Variants in VPS13B observed in about 807,000 individuals in gnomAD.
The protein encoded by VPS13B is intermembrane lipid transfer protein VPS13B.
A neutral mutation model predicts 426.4 loss-of-function variants in VPS13B; 285 were observed. The observed-to-expected ratio is 0.67, with a 90% CI of 0.61 to 0.74. The LOEUF (loss-of-function observed/expected upper bound fraction) is 0.74. VPS13B is among the 30% of genes least tolerant of loss of function. VPS13B has a pLI of 0.00. For synonymous variants in VPS13B, 1,676 were observed against 1,676.4 expected (o/e 1.00, Z 0.01); for missense variants, 4,537 against 4,782.6 (o/e 0.95, Z 1.51).
chr8:99,467,354 T>A, intron 23 of VPS13B, 60 bp from the exon 24 acceptor site: 2 of 1,496,712 alleles, frequency 1.3e-6, no homozygotes, highest in Admixed American at 3.3e-5. Flanking sequence ...TACTATCAAG[T>A]GAAAATTAAT....
chr8:99,121,846 CTTTTTTTT>C, intron 8 of VPS13B: 1 of 111,826 alleles, frequency 8.9e-6, no homozygotes, highest in Non-Finnish European at 1.8e-5. Context: ...CTCTCTCTCT[CTTTTTTTT>C]TTTTTTTTTT....
intron 21 of VPS13B, among the ~76,000 whole-genome samples, chr8:99,420,977 G>A (rs1299411956): frequency 6.6e-6 from 1 of 152,120 alleles, no homozygotes; most frequent in Non-Finnish European, 1.5e-5. Context: ...TATATTTATA[G>A]TATTTTCATA....
intron 43 of VPS13B, among the ~76,000 whole-genome samples, chr8:99,802,245 G>A (rs1257201817): frequency 6.6e-6 from 1 of 151,834 alleles, no homozygotes; most frequent in Non-Finnish European, 1.5e-5. Flanking sequence ...ATGTAATATA[G>A]CAATATAGCA....
At chr8:99,465,952 A>G in intron 23 of VPS13B, among the ~76,000 whole-genome samples, 1 of 152,108 alleles carries the variant, frequency 6.6e-6, no homozygotes, top group East Asian at 1.9e-4. Context: ...TATTAACTAT[A>G]TTTGGTCAAG....
At chr8:99,585,075 T>C (rs939121499) in intron 33 of VPS13B, among the ~76,000 whole-genome samples, 1 of 152,198 alleles carries the variant, frequency 6.6e-6, no homozygotes, top group Non-Finnish European at 1.5e-5. Context: ...GGAGTATACA[T>C]TAAATTTGCC....
intron 4 of VPS13B, 82 bp downstream of exon 4, chr8:99,096,514 G>T (rs968438565): frequency 6.3e-6 from 10 of 1,578,902 alleles, no homozygotes; most frequent in Middle Eastern, 1.7e-4. Flanking sequence ...CCAGTGCTTT[G>T]GGGGGCTGAG....
intron 35 of VPS13B, among the ~76,000 whole-genome samples, chr8:99,668,873 G>A (rs1476394727): frequency 5.3e-5 from 8 of 152,216 alleles, no homozygotes; most frequent in African/African-American, 1.9e-4. Context: ...TCTAAACCCT[G>A]CGGAACAGTC....
At chr8:99,264,902 T>G (rs1261412046) in intron 17 of VPS13B, among the ~76,000 whole-genome samples, 1 of 152,134 alleles carries the variant, frequency 6.6e-6, no homozygotes, top group East Asian at 1.9e-4. Context: ...CTTTTCATTT[T>G]TCTTCCATTT....
intron 19 of VPS13B, among the ~76,000 whole-genome samples, chr8:99,334,495 A>G (rs974031998): frequency 6.6e-6 from 1 of 152,134 alleles, no homozygotes; most frequent in Admixed American, 6.6e-5. Context: ...TGGGTTTGTC[A>G]TAGATAGCTC....
At chr8:99,537,367 C>A (rs1358460091) in intron 30 of VPS13B, among the ~76,000 whole-genome samples, 2 of 152,138 alleles carry the variant, frequency 1.3e-5, no homozygotes, top group Non-Finnish European at 2.9e-5. Context: ...TATAATAATA[C>A]TTCATTTATA....
At chr8:99,618,201 T>C (rs1828187037) in intron 33 of VPS13B, among the ~76,000 whole-genome samples, 1 of 148,888 alleles carries the variant, frequency 6.7e-6, no homozygotes, top group Non-Finnish European at 1.5e-5. Context: ...TAGTGACTGA[T>C]AAAAAGCCTT....
chr8:99,447,010 T>C (rs185725799), intron 23 of VPS13B, among the ~76,000 whole-genome samples: 88 of 152,308 alleles, frequency 5.8e-4, no homozygotes, highest in African/African-American at 2.1e-3. Context: ...CAAGGCTTCC[T>C]TTTATCTCTT....
chr8:99,595,302 A>G (rs1376538271), intron 33 of VPS13B, among the ~76,000 whole-genome samples: 1 of 151,948 alleles, frequency 6.6e-6, no homozygotes, highest in Non-Finnish European at 1.5e-5. Context: ...AATAGAATTG[A>G]GAGTTCAGGT....
rs1282013974 is a variant in VPS13B, at chr8:99,233,787, C to G, written c.2516-40411C>G. On this transcript the variant is annotated intron_variant, in intron 17 of 61. Coordinates refer to ENST00000357162, the MANE Select transcript of VPS13B (RefSeq NM_152564.5). ...CTGCCTTCTTTTCCAATCAGTCTTC[C>G]AAACAAGCCATTGTGGGCCACGATT... 3.9e-6 allele frequency: 3 copies of G among 779,104 alleles called. No homozygotes were observed. The African/African-American group carries it at 5.1e-5, about 13-fold the overall frequency. The allele number at this position is 779,104 out of a possible 1,614,324, so 48.3% of individuals were successfully genotyped here.
At chr8:99,468,203 G>T (rs748264538) in intron 24 of VPS13B, among the ~76,000 whole-genome samples, 13 of 152,024 alleles carry the variant, frequency 8.6e-5, no homozygotes, top group Non-Finnish European at 1.8e-4. Flanking sequence ...GTGTCCAAGT[G>T]TTCTCATTGT....
intron 8 of VPS13B, among the ~76,000 whole-genome samples, chr8:99,127,587 C>T (rs1848237584): frequency 6.6e-6 from 1 of 152,156 alleles, no homozygotes; most frequent in Non-Finnish European, 1.5e-5. Flanking sequence ...AGTCATTTCT[C>T]ATCAGCTTTA....
In VPS13B at chr8:99,775,480, C is replaced by T. The variant is rs946432956; in HGVS notation, c.7248-1295C>T. ...TTCTCCTCCAACAATCCCAAATTCC[C>T]AGGTCTCGTGCTCCTGTTAGCATTA... On this transcript the variant is annotated intron_variant, in intron 40 of 61. Coordinates refer to ENST00000357162, the MANE Select transcript of VPS13B (RefSeq NM_152564.5). 2.0e-5 allele frequency among the ~76,000 whole-genome samples: 3 copies of T among 152,290 alleles called. No homozygotes were observed. The South Asian group carries it at 6.2e-4, about 32-fold the overall frequency.
rs1817671340 is a variant in VPS13B, at chr8:99,875,773, G to A, written c.*107G>A. 1 of 1,454,742 alleles carries A rather than the reference G, an allele frequency of 6.9e-7. No homozygotes were observed. The highest frequency in any genetic ancestry group is 1.2e-5 in the South Asian group (1 of 84,908). The allele number at this position is 1,454,742 out of a possible 1,614,324, so 90.1% of individuals were successfully genotyped here. A position where few individuals can be genotyped will look rare whatever the true frequency, so the allele number is the denominator to read the frequency against. On this transcript the variant is annotated 3_prime_UTR_variant, in exon 62 of 62. Transcript: ENST00000357162. ...GCTGACCTCAAATTCTGGGGTTCAA[G>A]CAATCCTCCCACCTCAACCCACAAG... is the stretch of plus-strand genomic sequence containing the variant.
At chr8:99,384,364 A>G in intron 20 of VPS13B, 47 bp downstream of exon 20, 1 of 1,443,986 alleles carries the variant, frequency 6.9e-7, no homozygotes, top group South Asian at 1.2e-5. Context: ...TATTTTTCTT[A>G]TTCATTTAGT....
Sources: gnomAD v4.1 joint callset for allele counts (sites outside exome capture counted in the v4.1 genomes callset) on GRCh38, gnomAD v4.1.1 for gene constraint, MANE v1.5 for transcripts, NCBI Gene and HGNC (gene_info 2026-07-23, HGNC 2026-07-21) for gene names.